NFIC: variants seen among roughly 807,000 people sequenced by gnomAD.
NFIC encodes the protein nuclear factor 1 C-type.
In NFIC, 12 loss-of-function variants were observed where a neutral mutation model predicts 54.4. The ratio of observed to expected loss-of-function variants is 0.22; its 90% CI spans 0.14 to 0.36. The LOEUF (loss-of-function observed/expected upper bound fraction) is 0.36. Among genes scored for constraint, NFIC ranks in the 10% least tolerant of loss-of-function variants. NFIC has a pLI of 1.00. For synonymous variants in NFIC, 322 were observed against 319.2 expected (o/e 1.01, Z -0.09); for missense variants, 575 against 718.2 (o/e 0.80, Z 2.28).
At chr19:3,448,960 A>C (rs919114800) in intron 6 of NFIC, 54 bp from the exon 7 acceptor site, 76 of 1,570,088 alleles carry the variant, frequency 4.8e-5, no homozygotes, top group Non-Finnish European at 6.1e-5. Flanking sequence ...GGGAAGGTCC[A>C]GGGCTCATGG....
intron 1 of NFIC, among the ~76,000 whole-genome samples, chr19:3,371,762 G>A (rs910935264): frequency 3.9e-5 from 6 of 152,014 alleles, no homozygotes; most frequent in Admixed American, 6.6e-5. Context: ...TTTGCGCAGC[G>A]TAAGCCCAGC....
Position 3,463,928 on chromosome 19 carries a change from C to T in NFIC, c.*1159C>T. 1.0e-6 allele frequency: 1 copy of T among 983,850 alleles called. No homozygotes were observed. Among genetic ancestry groups the T allele is most frequent in the South Asian group, 4.7e-5 (1 of 21,246 alleles). The allele number at this position is 983,850 out of a possible 1,614,324, so 60.9% of individuals were successfully genotyped here. The stretch of plus-strand genomic sequence containing the variant: ...TCCCCCTCCCCTCCAGCCTCTCCAC[C>T]AGCCCCTCCAGTCAACCCTCATCGC... On this transcript the variant is annotated 3_prime_UTR_variant, in exon 11 of 11. Coordinates refer to ENST00000443272, the MANE Select transcript of NFIC (RefSeq NM_001245002.2).
intron 6 of NFIC, among the ~76,000 whole-genome samples, chr19:3,447,320 A>G (rs1436034435): frequency 6.8e-6 from 1 of 147,880 alleles, no homozygotes; most frequent in Non-Finnish European, 1.5e-5. Flanking sequence ...AAAAAAAAAG[A>G]CACAGCCCCA....
In NFIC at chr19:3,453,624, G is replaced by C. The variant is rs1009449151; in HGVS notation, c.1270-139G>C. On this transcript the variant is annotated intron_variant, in intron 8 of 10. Coordinates refer to ENST00000443272, the MANE Select transcript of NFIC (RefSeq NM_001245002.2). This position sits in a 1 kb window ranked among gnomAD's most constrained non-coding sequence, Gnocchi z 6.7. ...GGCCGTCCTCAGACCCACCAAACCC[G>C]CCATGGTCACACCCGCGCCCTGGCC... 3 of 1,219,224 alleles carry C rather than the reference G, an allele frequency of 2.5e-6. No individual in the cohort carries two copies. The highest frequency in any genetic ancestry group is 3.5e-5 in the Admixed American group (1 of 28,808). 75.5% of individuals were successfully genotyped at this position (1,219,224 alleles called of 1,614,324 possible).
At chr19:3,420,556 A>AAAATAAAT (rs374927099) in intron 2 of NFIC, among the ~76,000 whole-genome samples, 6,485 of 142,694 alleles carry the variant, frequency 0.045, 173 homozygotes, top group African/African-American at 0.048. Flanking sequence ...CCATCTCAAA[A>AAAATAAAT]AAATAAATAA....
chr19:3,379,843 C>G (rs538240989), intron 1 of NFIC, among the ~76,000 whole-genome samples: 34 of 151,712 alleles, frequency 2.2e-4, no homozygotes, highest in Admixed American at 2.2e-3. Flanking sequence ...GTATGCATCA[C>G]CTAGCTAAGT....
chr19:3,408,096 C>T (rs1254532751), intron 2 of NFIC, among the ~76,000 whole-genome samples: 1 of 152,036 alleles, frequency 6.6e-6, no homozygotes, highest in African/African-American at 2.4e-5. Context: ...CCGGCAGAGC[C>T]AGCAACATTT....
intron 2 of NFIC, among the ~76,000 whole-genome samples, chr19:3,386,562 A>T (rs1213594071): frequency 6.6e-6 from 1 of 151,718 alleles, no homozygotes; most frequent in African/African-American, 2.4e-5. Flanking sequence ...GCCTCAAGTG[A>T]TCCGCCCTCC....
intron 7 of NFIC, among the ~76,000 whole-genome samples, chr19:3,450,056 A>G (rs2082435673): frequency 6.6e-6 from 1 of 152,036 alleles, no homozygotes. Flanking sequence ...CCCTGTCTCC[A>G]AAAAAAGGCT....
intron 7 of NFIC, among the ~76,000 whole-genome samples, chr19:3,451,612 C>CTGTCTCA (rs1599717679): frequency 7.0e-6 from 1 of 143,262 alleles, no homozygotes; most frequent in African/African-American, 2.7e-5. Context: ...GCCTGGGTGA[C>CTGTCTCA]AAAGCGAGAT....
intron 2 of NFIC, among the ~76,000 whole-genome samples, chr19:3,398,422 G>A (rs571901480): frequency 6.6e-6 from 1 of 152,122 alleles, no homozygotes; most frequent in Non-Finnish European, 1.5e-5. Flanking sequence ...ATCTCACTCT[G>A]GTGTCATCGC....
chr19:3,434,066 C>T (rs901181178), intron 4 of NFIC, among the ~76,000 whole-genome samples: 3 of 152,218 alleles, frequency 2.0e-5, no homozygotes, highest in Non-Finnish European at 4.4e-5. Flanking sequence ...TTGGCTACAC[C>T]TCTGCCTCAC....
rs1301397808 is a variant in NFIC, at chr19:3,465,557, AG to A, written c.*2792del. Reference sequence around the variant, plus strand: ...TCCTGTCTCCCCTCCTGCTGTATTCAGGGGTGCCCCCTGGTGCTCAGCCTCT... The same window carrying A: ...TCCTGTCTCCCCTCCTGCTGTATTCAGGGTGCCCCCTGGTGCTCAGCCTCT... On this transcript the variant is annotated 3_prime_UTR_variant, in exon 11 of 11. Transcript: ENST00000443272. 6.6e-6 allele frequency: 1 copy of A among 151,696 alleles called. No individual in the cohort carries two copies. The highest frequency in any genetic ancestry group is 1.5e-5 in the Non-Finnish European group (1 of 67,996). The allele number at this position is 151,696 out of a possible 1,614,324, so 9.4% of individuals were successfully genotyped here.
Position 3,462,924 on chromosome 19 carries a change from G to A in NFIC, c.*155G>A. On this transcript the variant is annotated 3_prime_UTR_variant, in exon 11 of 11. Transcript: ENST00000443272. Reference sequence around the variant, plus strand: ...GGCCAAAAAGACAAAACACATAGACGCACACACTCAGGAGGAAAAGAAAAA... The same window carrying A: ...GGCCAAAAAGACAAAACACATAGACACACACACTCAGGAGGAAAAGAAAAA... 1.3e-6 allele frequency: 2 copies of A among 1,505,586 alleles called. No homozygotes were observed. Among genetic ancestry groups the A allele is most frequent in the Admixed American group, 2.3e-5 (1 of 43,286 alleles). 93.3% of individuals were successfully genotyped at this position (1,505,586 alleles called of 1,614,324 possible). A position where few individuals can be genotyped will look rare whatever the true frequency, so the allele number is the denominator to read the frequency against.
chr19:3,371,321 A>ACTTTTTTTTTTTTTTTTTTTTTT (rs1555739022), intron 1 of NFIC: 1 of 124,532 alleles, frequency 8.0e-6, no homozygotes, highest in Admixed American at 8.4e-5. Flanking sequence ...AGGCAGCACA[A>ACTTTTTTTTTTTTTTTTTTTTTT]TTTTTTTTTT....
At chr19:3,460,003 G>C (rs894107515) in intron 10 of NFIC, among the ~76,000 whole-genome samples, 1 of 152,198 alleles carries the variant, frequency 6.6e-6, no homozygotes, top group African/African-American at 2.4e-5. Flanking sequence ...TCTGGGGTTG[G>C]AGTTTGCGTT....
intron 6 of NFIC, among the ~76,000 whole-genome samples, chr19:3,442,800 G>A (rs1353093624): frequency 6.6e-6 from 1 of 152,294 alleles, no homozygotes; most frequent in Non-Finnish European, 1.5e-5. Context: ...GGCCTTAGGC[G>A]AGTGACGTCC....
chr19:3,425,621 G>A (rs1477587202), intron 3 of NFIC, among the ~76,000 whole-genome samples: 3 of 151,946 alleles, frequency 2.0e-5, no homozygotes, highest in South Asian at 2.1e-4. Context: ...CACCACACCC[G>A]GCTAATTTTT....
upstream of NFIC, among the ~76,000 whole-genome samples, chr19:3,364,658 C>T (rs1459876453): frequency 2.0e-5 from 3 of 152,148 alleles, no homozygotes; most frequent in Non-Finnish European, 4.4e-5. Flanking sequence ...GATGAGGAAA[C>T]CGAGGTTCCA....
Sources: allele counts gnomAD v4.1 joint callset (sites outside exome capture counted in the v4.1 genomes callset), GRCh38; gene constraint gnomAD v4.1.1; non-coding constraint Gnocchi (gnomAD v3.1); transcripts MANE v1.5; gene names NCBI Gene and HGNC (gene_info 2026-07-23, HGNC 2026-07-21).